KCNJ6: variants seen among roughly 807,000 people sequenced by gnomAD.
KCNJ6 encodes the protein G protein-activated inward rectifier potassium channel 2.
In KCNJ6, 9 loss-of-function variants were observed where a neutral mutation model predicts 34.2. The observed-to-expected ratio is 0.26, with a 90% CI of 0.16 to 0.46. KCNJ6 has a LOEUF of 0.46. KCNJ6 is among the 20% of genes least tolerant of loss of function. The pLI, the probability that KCNJ6 is intolerant of heterozygous loss-of-function variation, is 1.00. For missense variants in KCNJ6, 236 were observed against 531.3 expected, an observed-to-expected ratio of 0.44 and a Z score of 5.46; for synonymous variants, 196 against 207.1, an observed-to-expected ratio of 0.95 and a Z score of 0.46.
At chr21:37,670,730 A>C (rs2054537638) in intron 3 of KCNJ6, among the ~76,000 whole-genome samples, 1 of 152,216 alleles carries the variant, frequency 6.6e-6, no homozygotes, top group Admixed American at 6.5e-5. Context: ...GTGCCACTGC[A>C]CTCCAGCCTG....
intron 1 of KCNJ6, among the ~76,000 whole-genome samples, chr21:37,899,837 C>T (rs1257463289): frequency 6.6e-6 from 1 of 152,172 alleles, no homozygotes; most frequent in African/African-American, 2.4e-5. Context: ...ATGACTGGGA[C>T]ATTATTGCTG....
chr21:37,848,250 C>G (rs2055519930), intron 1 of KCNJ6, among the ~76,000 whole-genome samples: 1 of 152,154 alleles, frequency 6.6e-6, no homozygotes, highest in South Asian at 2.1e-4. Context: ...CTCCTGTGAG[C>G]CCGGGGACTA....
At chr21:37,708,963 G>GA (rs1226915367) in intron 3 of KCNJ6, among the ~76,000 whole-genome samples, 4 of 152,128 alleles carry the variant, frequency 2.6e-5, no homozygotes, top group African/African-American at 9.7e-5. Context: ...AAATGTGCCT[G>GA]GAAATCAGAC....
intron 3 of KCNJ6, among the ~76,000 whole-genome samples, chr21:37,659,436 A>G (rs1390739886): frequency 5.3e-5 from 8 of 152,250 alleles, no homozygotes; most frequent in Non-Finnish European, 1.0e-4. Flanking sequence ...GGTCCTTTGC[A>G]ACCCCAAGTG....
chr21:37,648,186 G>A (rs2054414482), intron 3 of KCNJ6, among the ~76,000 whole-genome samples: 1 of 152,186 alleles, frequency 6.6e-6, no homozygotes, highest in African/African-American at 2.4e-5. Context: ...AAACGGGGGA[G>A]GAATCTACAG....
In KCNJ6 at chr21:37,625,112, A is replaced by C. The variant is rs757550385; in HGVS notation, c.*47T>G. ...AAAAGAAAGAGAATGAGAGACAAGG[A>C]AAGATTGTGTTGGGGGGAGAAGAGA... On this transcript the variant is annotated 3_prime_UTR_variant, in exon 4 of 4. Coordinates refer to ENST00000609713, the MANE Select transcript of KCNJ6 (RefSeq NM_002240.5). 7.8e-7 allele frequency: 1 copy of C among 1,289,162 alleles called. No homozygotes were observed. The highest frequency in any genetic ancestry group is 1.1e-6 in the Non-Finnish European group (1 of 904,828). 79.9% of individuals were successfully genotyped at this position (1,289,162 alleles called of 1,614,324 possible).
intron 3 of KCNJ6, among the ~76,000 whole-genome samples, chr21:37,678,234 G>A (rs1441583984): frequency 2.6e-5 from 4 of 152,200 alleles, no homozygotes. Context: ...TGAGTGATTC[G>A]TTGGGCTGCT....
Position 37,607,482 on chromosome 21 carries a change from A to ATATATATATATATATATTTTT in KCNJ6, c.*17676_*17677insAAAAATATATATATATATATA. On this transcript the variant is annotated 3_prime_UTR_variant, in exon 4 of 4. Transcript: ENST00000609713. ...CTTAAAGATATATATATATATATAT[A>ATATATATATATATATATTTTT]TTTTTTTTTTATTTTAAAAAAATTT... The ATATATATATATATATATTTTT allele has an allele frequency of 5.3e-4, 73 of 136,726 alleles. No homozygotes were observed. Among genetic ancestry groups the ATATATATATATATATATTTTT allele is most frequent in the East Asian group, 2.5e-3 (11 of 4,376 alleles). 8.5% of individuals were successfully genotyped at this position (136,726 alleles called of 1,614,324 possible).
intron 2 of KCNJ6, among the ~76,000 whole-genome samples, chr21:37,767,584 C>A (rs993770536): frequency 6.6e-6 from 1 of 152,232 alleles, no homozygotes; most frequent in East Asian, 1.9e-4. Flanking sequence ...AAGTGAGAAA[C>A]CCAGCAGTCC....
chr21:37,791,128 G>A (rs761147011), intron 2 of KCNJ6, among the ~76,000 whole-genome samples: 25 of 152,328 alleles, frequency 1.6e-4, no homozygotes, highest in Admixed American at 1.4e-3. Flanking sequence ...CAGCCACACC[G>A]TGTCTGCTGG....
chr21:37,840,598 TGCGA>T, intron 2 of KCNJ6, 56 bp downstream of exon 2: 3 of 1,171,450 alleles, frequency 2.6e-6, no homozygotes, highest in South Asian at 1.3e-5. Context: ...GTCTTTTTTG[TGCGA>T]TTTTGCATTT....
intron 1 of KCNJ6, among the ~76,000 whole-genome samples, chr21:37,846,851 C>G (rs2055511231): frequency 6.6e-6 from 1 of 152,152 alleles, no homozygotes; most frequent in Non-Finnish European, 1.5e-5. Context: ...TTCAGGTTCT[C>G]AACAAATGCA....
intron 1 of KCNJ6, among the ~76,000 whole-genome samples, chr21:37,869,229 T>C (rs1340465994): frequency 1.3e-5 from 2 of 152,250 alleles, no homozygotes; most frequent in African/African-American, 4.8e-5. Flanking sequence ...TGCTCTCCCA[T>C]TTCCATGGCC....
chr21:37,896,769 A>G (rs1001708840), intron 1 of KCNJ6, among the ~76,000 whole-genome samples: 1 of 152,184 alleles, frequency 6.6e-6, no homozygotes, highest in Non-Finnish European at 1.5e-5. Context: ...ACAAGCTGAC[A>G]GCCTTTGACA....
chr21:37,669,791 T>G (rs538996834), intron 3 of KCNJ6, among the ~76,000 whole-genome samples: 3 of 152,298 alleles, frequency 2.0e-5, no homozygotes, highest in Admixed American at 6.5e-5. Context: ...GAAAATAATT[T>G]GAAAATATTT....
At chr21:37,774,877 G>T (rs888726303) in intron 2 of KCNJ6, among the ~76,000 whole-genome samples, 1 of 152,174 alleles carries the variant, frequency 6.6e-6, no homozygotes, top group African/African-American at 2.4e-5. Flanking sequence ...TAATGGGACG[G>T]CTGGGTCAAA....
Position 37,916,159 on chromosome 21 carries a change from G to C in KCNJ6, c.-303C>G, listed in dbSNP as rs1313049596. On this transcript the variant is annotated 5_prime_UTR_variant, in exon 1 of 4. Coordinates refer to ENST00000609713, the MANE Select transcript of KCNJ6 (RefSeq NM_002240.5). ...CCGCCCAGCCTCTCCAGCCAGGTGC[G>C]GCCGTCTCCGGACTGGCTCCCTCTG... 6.6e-6 allele frequency: 1 copy of C among 152,102 alleles called. No homozygotes were observed. 9.4% of individuals were successfully genotyped at this position (152,102 alleles called of 1,614,324 possible).
rs80301919 is a variant in KCNJ6 at position 37,804,070 on chromosome 21, A to G, written c.25+36588T>C. ...ATTTTAATAGACATTTCTTCAAAGG[A>G]GATATTAAAATCTGCCATGAGCACC... On this transcript the variant is annotated intron_variant, in intron 2 of 3. Transcript: ENST00000609713. Among the ~76,000 whole-genome samples the G allele has an allele frequency of 9.3e-3, 1,424 of 152,336 alleles. 69 individuals carry two copies. The highest frequency in any genetic ancestry group is 0.074 in the East Asian group (385 of 5,188).
intron 1 of KCNJ6, among the ~76,000 whole-genome samples, chr21:37,854,421 T>G (rs923046744): frequency 6.6e-6 from 1 of 152,150 alleles, no homozygotes; most frequent in African/African-American, 2.4e-5. Context: ...ATATATGTCC[T>G]CACTCATACT....
Sources: gnomAD v4.1 joint callset for allele counts (sites outside exome capture counted in the v4.1 genomes callset) on GRCh38, gnomAD v4.1.1 for gene constraint, MANE v1.5 for transcripts, NCBI Gene and HGNC (gene_info 2026-07-23, HGNC 2026-07-21) for gene names.